Variants in EDEM3 observed in about 807,000 individuals in gnomAD.
The protein encoded by EDEM3 is ER degradation-enhancing alpha-mannosidase-like protein 3.
In EDEM3, 60 loss-of-function variants were observed where a neutral mutation model predicts 110.2. The ratio of observed to expected loss-of-function variants is 0.54; its 90% CI spans 0.44 to 0.67. The LOEUF is 0.67. Among genes scored for constraint, EDEM3 ranks in the 30% least tolerant of loss-of-function variants. The pLI is 0.00. For synonymous variants in EDEM3, 352 were observed against 382.9 expected (o/e 0.92, Z 0.94); for missense variants, 996 against 1,121.0 (o/e 0.89, Z 1.59).
chr1:184,732,032 C>T (rs913887178), intron 6 of EDEM3, among the ~76,000 whole-genome samples: 13 of 151,922 alleles, frequency 8.6e-5, no homozygotes, highest in African/African-American at 1.5e-4. Flanking sequence ...AAAAATTAGC[C>T]GGTCGTGGTA....
At chr1:184,733,846 C>T (rs1651673259) in intron 5 of EDEM3, among the ~76,000 whole-genome samples, 1 of 149,014 alleles carries the variant, frequency 6.7e-6, no homozygotes, top group South Asian at 2.1e-4. Flanking sequence ...AAAAAAAGGC[C>T]CAAGAGCATT....
chr1:184,706,127 TCTA>T (rs1649910638), intron 18 of EDEM3, among the ~76,000 whole-genome samples: 1 of 149,092 alleles, frequency 6.7e-6, no homozygotes, highest in Admixed American at 6.6e-5. Context: ...TCAAAAATAT[TCTA>T]CTATCAAATA....
Position 184,708,143 on chromosome 1 carries a change from G to A in EDEM3, c.2037+10C>T, listed in dbSNP as rs567370297. ...TTCAGTTTCAACAACTATATTTTAA[G>A]TATACATACCTCTTTATGTTTAGAC... On this transcript the variant is annotated intron_variant, in intron 17 of 19. Coordinates refer to ENST00000318130, the MANE Select transcript of EDEM3 (RefSeq NM_025191.4). The A allele has an allele frequency of 4.4e-6, 7 of 1,589,030 alleles. No homozygotes were observed. Among genetic ancestry groups the A allele is most frequent in the East Asian group, 2.3e-5 (1 of 43,686 alleles).
rs1470160353 is a variant in EDEM3 at position 184,711,734 on chromosome 1, G to C, written c.1680C>G (p.Gly560=). Residue 560 remains glycine (G), a synonymous_variant, in exon 15 of 20, where the codon GGC becomes GGG. Coordinates refer to ENST00000318130, the MANE Select transcript of EDEM3 (RefSeq NM_025191.4). Reference sequence around the variant, plus strand: ...ATAATACATCTTACACTCTGATGATGCCTCTAGGACAGCTCTTATCCACCA... The same window carrying C: ...ATAATACATCTTACACTCTGATGATCCCTCTAGGACAGCTCTTATCCACCA... ...KNVVDKSCPR[G]IIRVEESFRS... 10 of 1,597,902 alleles carry C rather than the reference G, an allele frequency of 6.3e-6. No individual in the cohort carries two copies. The highest frequency in any genetic ancestry group is 7.7e-6 in the Non-Finnish European group (9 of 1,174,754).
At position 184,736,784 on chromosome 1, in the gene EDEM3, C is replaced by T. The variant is rs143780298; in HGVS notation, c.345+241G>A. On this transcript the variant is annotated intron_variant, in intron 4 of 19. Coordinates refer to ENST00000318130, the MANE Select transcript of EDEM3 (RefSeq NM_025191.4). ...CCAAAGGGGGGAAAAAAGGACCTTC[C>T]TAATTAAGGTGCCATTACATAAGCT... is the stretch of plus-strand genomic sequence containing the variant. Among the ~76,000 whole-genome samples, 890 of 152,226 alleles carry T rather than the reference C, an allele frequency of 5.8e-3. 5 individuals are homozygous for T. The highest frequency in any genetic ancestry group is 0.01 in the Non-Finnish European group (709 of 68,000).
In EDEM3 at chr1:184,708,248, G is replaced by T; in HGVS notation, c.1942C>A (p.Arg648=). 6.2e-7 allele frequency: 1 copy of T among 1,613,552 alleles called. No homozygotes were observed. Among genetic ancestry groups the T allele is most frequent in the Non-Finnish European group, 8.5e-7 (1 of 1,179,842 alleles). The stretch of plus-strand genomic sequence containing the variant: ...GGGTGGGAAACAATTTGTACAGCTC[G>T]TGGAGGCAGCTGCTGTTCTTTTTGT... ...QQQKEQQLPP[R]AVQIVSHPFF... Residue 648 remains arginine (R), a synonymous_variant, in exon 17 of 20, where the codon CGA becomes AGA. Transcript: ENST00000318130.
At chr1:184,728,784 A>G (rs904195088) in intron 6 of EDEM3, among the ~76,000 whole-genome samples, 2 of 151,978 alleles carry the variant, frequency 1.3e-5, no homozygotes, top group African/African-American at 4.8e-5. Context: ...TAATTTTTGT[A>G]TGTTTAGTAG....
At position 184,700,573 on chromosome 1, in the gene EDEM3, T is replaced by C. The variant is rs116144235; in HGVS notation, c.2389+2238A>G. Among the ~76,000 whole-genome samples the C allele has an allele frequency of 6.4e-3, 971 of 152,044 alleles. 10 individuals carry two copies. The highest frequency in any genetic ancestry group is 0.022 in the African/African-American group (928 of 41,548). On this transcript the variant is annotated intron_variant, in intron 19 of 19. Transcript: ENST00000318130. ...ACAACACAATCACCCGGGATGTTTG[T>C]TTGAAGTTTCAGATTCTGATTCCCA...
rs1388118041 is a variant in EDEM3 at position 184,694,172 on chromosome 1, G to C, written c.2690C>G (p.Ser897Cys). 2 of 1,613,288 alleles carry C rather than the reference G, an allele frequency of 1.2e-6. No individual in the cohort carries two copies. Among genetic ancestry groups the C allele is most frequent in the African/African-American group, 1.3e-5 (1 of 74,866 alleles). The change falls in exon 20 of 20, where the codon TCC (serine) becomes TGC (cysteine). Residue 897 changes from serine (S) to cysteine (C), a missense_variant. Ser to Cys is a moderately radical substitution (Grantham distance 112). Around this residue, in one of 5 missense-constraint regions of EDEM3, gnomAD observed 345 missense variants for 402.0 expected, o/e 0.86. Coordinates refer to ENST00000318130, the MANE Select transcript of EDEM3 (RefSeq NM_025191.4). ...TTTACCCCAGCTAACATTAGGATTG[G>C]AATCTTCCTCAGTTTCTGATTGTTC... ...LQEQSETEED[S>C]NPNVSWGKKV...
rs768309622 is a variant in EDEM3, at chr1:184,719,540, C to A, written c.980G>T (p.Ser327Ile). 19 of 1,613,682 alleles carry A rather than the reference C, an allele frequency of 1.2e-5. No homozygotes were observed. The highest frequency in any genetic ancestry group is 1.5e-5 in the Non-Finnish European group (18 of 1,179,954). The change falls in exon 10 of 20, where the codon AGC becomes ATC. Residue 327 changes from serine (S) to isoleucine (I), a missense_variant. Ser to Ile is a moderately radical substitution (Grantham distance 142, BLOSUM62 -2). Coordinates refer to ENST00000318130, the MANE Select transcript of EDEM3 (RefSeq NM_025191.4). ...CACATCAAGTAGAAGAGGTGGCTGG[C>A]TAATATACCTCATTATGGCATCATA... ...THYDAIMRYI[S>I]QPPLLLDVHI...
At chr1:184,700,553 A>G (rs1649560691) in intron 19 of EDEM3, among the ~76,000 whole-genome samples, 1 of 151,976 alleles carries the variant, frequency 6.6e-6, no homozygotes, top group African/African-American at 2.4e-5. Flanking sequence ...CAGCTACAAC[A>G]CAATCACCCG....
In EDEM3 at chr1:184,746,333, T is replaced by C. The variant is rs139163805; in HGVS notation, c.204+3214A>G. Among the ~76,000 whole-genome samples the C allele has an allele frequency of 2.8e-3, 434 of 152,334 alleles. 5 individuals carry two copies. In the East Asian group the frequency reaches 0.035, roughly 12 times the overall value. On this transcript the variant is annotated intron_variant, in intron 2 of 19. Coordinates refer to ENST00000318130, the MANE Select transcript of EDEM3 (RefSeq NM_025191.4). ...GGCACATGCCAAGAACAGGAAAGAATGTATGCGCTTTAAGCAAGTTCTATG... is the reference window on the plus strand; with the variant it reads ...GGCACATGCCAAGAACAGGAAAGAACGTATGCGCTTTAAGCAAGTTCTATG...
chr1:184,698,258 G>A (rs1188472709), intron 19 of EDEM3, among the ~76,000 whole-genome samples: 1 of 151,736 alleles, frequency 6.6e-6, no homozygotes, highest in East Asian at 1.9e-4. Context: ...CTTTCTGCCA[G>A]CATTTCATTT....
At chr1:184,713,406 C>T (rs751486365) in intron 13 of EDEM3, among the ~76,000 whole-genome samples, 1 of 152,112 alleles carries the variant, frequency 6.6e-6, no homozygotes, top group Admixed American at 6.5e-5. Flanking sequence ...TGTGTTTTTA[C>T]AAATGATTTA....
At position 184,732,863 on chromosome 1, in the gene EDEM3, T is replaced by C. The variant is rs777995167; in HGVS notation, c.586A>G (p.Thr196Ala). ...CTTGGATAAGGAAGGCCACTGGTAG[T>C]GTTGAAAGCCGGTAAAAGTTTGTAA... is the stretch of plus-strand genomic sequence containing the variant. ...LGYKLLPAFNTTSGLPYPRIN... is the reference protein window; with the variant it reads ...LGYKLLPAFNATSGLPYPRIN... Residue 196 changes from threonine (T) to alanine (A), a missense_variant, in exon 6 of 20, where the codon ACT (threonine) becomes GCT (alanine). This residue lies in a region of EDEM3 where 310 missense variants were observed against 394.6 expected (regional missense o/e 0.79). Transcript: ENST00000318130. 1 of 1,613,782 alleles carries C rather than the reference T, an allele frequency of 6.2e-7. No individual in the cohort carries two copies. The highest frequency in any genetic ancestry group is 1.7e-5 in the Admixed American group (1 of 59,996).
intron 17 of EDEM3, among the ~76,000 whole-genome samples, chr1:184,707,086 AT>A (rs1324447072): frequency 6.6e-6 from 1 of 152,172 alleles, no homozygotes; most frequent in African/African-American, 2.4e-5. Flanking sequence ...TACAAATAAC[AT>A]TTCCCTTTCA....
Position 184,694,467 on chromosome 1 carries a change from C to T in EDEM3, c.2395G>A (p.Glu799Lys). ...GATGGTTGTTCTTCATTTTCCATTTCAGGATCTGTATGAGAAAGAAACAAA... is the reference window on the plus strand; with the variant it reads ...GATGGTTGTTCTTCATTTTCCATTTTAGGATCTGTATGAGAAAGAAACAAA... ...LSDKAKDRDPEMENEEQPSSE... is the reference protein window; with the variant it reads ...LSDKAKDRDPKMENEEQPSSE... Residue 799 changes from glutamate to lysine, a missense_variant, in exon 20 of 20, where the codon GAA becomes AAA. This residue lies in a region of EDEM3 where 345 missense variants were observed against 402.0 expected (regional missense o/e 0.86). Coordinates refer to ENST00000318130, the MANE Select transcript of EDEM3 (RefSeq NM_025191.4). 6.3e-7 allele frequency: 1 copy of T among 1,595,052 alleles called. No homozygotes were observed. The highest frequency in any genetic ancestry group is 8.5e-7 in the Non-Finnish European group (1 of 1,170,774).
chr1:184,694,522 T>C lies in EDEM3; in HGVS notation c.2390-50A>G, dbSNP rs755526346. 17 of 1,482,362 alleles carry C rather than the reference T, an allele frequency of 1.1e-5. No individual in the cohort carries two copies. The East Asian group carries it at 3.2e-4, about 28-fold the overall frequency. The allele number at this position is 1,482,362 out of a possible 1,614,324, so 91.8% of individuals were successfully genotyped here. A position where few individuals can be genotyped will look rare whatever the true frequency, so the allele number is the denominator to read the frequency against. ...ATGCTACTTCTCTAAAAAAATGTACTATTACACTTTCCAAAGCATATTGGT... is the reference window on the plus strand; with the variant it reads ...ATGCTACTTCTCTAAAAAAATGTACCATTACACTTTCCAAAGCATATTGGT... On this transcript the variant is annotated intron_variant, in intron 19 of 19. Transcript: ENST00000318130.
Position 184,754,530 on chromosome 1 carries a change from C to A in EDEM3, c.117G>T (p.Ala39=), listed in dbSNP as rs750749285. Residue 39 remains alanine, a synonymous_variant, in exon 1 of 20, where the codon GCG becomes GCT. Transcript: ENST00000318130. ...CLVSATSVWT[A]GAEPMSREEK... ...CCTCCCTACTCATGGGCTCGGCCCC[C>A]GCCGTCCACACGGAGGTGGCCGACA... The A allele has an allele frequency of 6.8e-6, 11 of 1,613,134 alleles. No homozygotes were observed. Among genetic ancestry groups the A allele is most frequent in the Non-Finnish European group, 9.3e-6 (11 of 1,179,840 alleles).
Sources: allele counts gnomAD v4.1 joint callset (sites outside exome capture counted in the v4.1 genomes callset), GRCh38; gene constraint gnomAD v4.1.1; regional missense constraint gnomAD v4.1.1; transcripts MANE v1.5; gene names NCBI Gene and HGNC (gene_info 2026-07-23, HGNC 2026-07-21).